Variants in FNDC3A observed in about 807,000 individuals in gnomAD.
The protein encoded by FNDC3A is fibronectin type-III domain-containing protein 3A.
FNDC3A carries 32 observed loss-of-function variants against 148.9 expected under a neutral mutation model. That is an observed-to-expected ratio of 0.21 (90% CI 0.16 to 0.29). The LOEUF is 0.29. Ranked by LOEUF, FNDC3A falls within the 10% of genes least tolerant of loss-of-function variation. The pLI is 1.00. For synonymous variants in FNDC3A, 472 were observed against 473.6 expected (o/e 1.00, Z 0.04); for missense variants, 1,191 against 1,452.8 (o/e 0.82, Z 2.93).
At chr13:49,124,485 TAA>T (rs575210570) in intron 4 of FNDC3A, among the ~76,000 whole-genome samples, 1 of 140,714 alleles carries the variant, frequency 7.1e-6, no homozygotes, top group Non-Finnish European at 1.6e-5. Context: ...GAACTTTAAT[TAA>T]AAAAAAAAAA....
chr13:49,012,986 G>A (rs150746968), intron 2 of FNDC3A, among the ~76,000 whole-genome samples: 2 of 152,182 alleles, frequency 1.3e-5, no homozygotes, highest in East Asian at 3.9e-4. Flanking sequence ...TAAGCATGAT[G>A]TTTATTATAC....
At chr13:48,994,639 G>A (rs562215834) in intron 1 of FNDC3A, among the ~76,000 whole-genome samples, 3 of 152,178 alleles carry the variant, frequency 2.0e-5, no homozygotes, top group East Asian at 1.9e-4. Context: ...TTAGCTGGGC[G>A]TGGTGGCGCA....
At chr13:49,028,029 A>G (rs1873845526) in intron 2 of FNDC3A, among the ~76,000 whole-genome samples, 1 of 152,052 alleles carries the variant, frequency 6.6e-6, no homozygotes, top group Non-Finnish European at 1.5e-5. Flanking sequence ...CCTGACTAAC[A>G]TGGCGAAATC....
chr13:49,149,163 CTT>C (rs766364277), intron 8 of FNDC3A, among the ~76,000 whole-genome samples: 11 of 134,188 alleles, frequency 8.2e-5, no homozygotes, highest in Non-Finnish European at 6.5e-5. Context: ...GACAATTTGA[CTT>C]TTTTTTTTTT....
intron 25 of FNDC3A, among the ~76,000 whole-genome samples, chr13:49,205,043 C>CA (rs1886586586): frequency 1.3e-5 from 2 of 152,168 alleles, no homozygotes; most frequent in Admixed American, 1.3e-4. Flanking sequence ...ACATGTACAT[C>CA]AAGAGTCCCT....
At chr13:49,106,069 G>C (rs1335411547) in intron 3 of FNDC3A, among the ~76,000 whole-genome samples, 1 of 152,100 alleles carries the variant, frequency 6.6e-6, no homozygotes, top group African/African-American at 2.4e-5. Context: ...TGGTGTCCTT[G>C]TTAAGTCTTA....
intron 2 of FNDC3A, among the ~76,000 whole-genome samples, chr13:49,059,911 A>G (rs762938574): frequency 4.9e-4 from 74 of 152,372 alleles, no homozygotes; most frequent in Non-Finnish European, 9.6e-4. Flanking sequence ...CAAACACAAG[A>G]AAAGATGCTC....
intron 2 of FNDC3A, among the ~76,000 whole-genome samples, chr13:49,012,804 A>AGTGTGT (rs535416333): frequency 4.1e-4 from 15 of 36,596 alleles, no homozygotes; most frequent in South Asian, 2.2e-3. Context: ...TGCAATTATA[A>AGTGTGT]ATGTGTGTGT....
intron 3 of FNDC3A, among the ~76,000 whole-genome samples, chr13:49,100,897 A>G (rs1043582858): frequency 5.3e-5 from 8 of 152,132 alleles, no homozygotes; most frequent in African/African-American, 1.9e-4. Context: ...TTGGCCTTAG[A>G]CTGATCCTCA....
At chr13:49,034,918 T>C (rs1257257106) in intron 2 of FNDC3A, among the ~76,000 whole-genome samples, 1 of 152,038 alleles carries the variant, frequency 6.6e-6, no homozygotes, top group African/African-American at 2.4e-5. Flanking sequence ...CTTTAAGCTA[T>C]GATACTGTAA....
At chr13:49,040,402 C>T (rs1245882573) in intron 2 of FNDC3A, among the ~76,000 whole-genome samples, 1 of 152,210 alleles carries the variant, frequency 6.6e-6, no homozygotes, top group African/African-American at 2.4e-5. Flanking sequence ...ACCATTTGCA[C>T]TTACGGATGG....
chr13:49,072,181 G>C (rs1417585667), intron 2 of FNDC3A, among the ~76,000 whole-genome samples: 1 of 151,980 alleles, frequency 6.6e-6, no homozygotes, highest in Non-Finnish European at 1.5e-5. Flanking sequence ...GCCATTTTGA[G>C]CTGATTTTGT....
intron 6 of FNDC3A, among the ~76,000 whole-genome samples, chr13:49,138,279 G>GTT (rs2137946275): frequency 6.6e-6 from 1 of 152,202 alleles, no homozygotes; most frequent in African/African-American, 2.4e-5. Context: ...AAGAAATTAA[G>GTT]TTAAAGTTTT....
At position 49,129,356 on chromosome 13, in the gene FNDC3A, C is replaced by T. The variant is rs374177383; in HGVS notation, c.253-1781C>T. On this transcript the variant is annotated intron_variant, in intron 4 of 25. Transcript: ENST00000492622. ...TGGTTCAGGATTTGTTGCAAAAGAACGATACAACTTAGAAGGTAGTTTGGA... is the reference window on the plus strand; with the variant it reads ...TGGTTCAGGATTTGTTGCAAAAGAATGATACAACTTAGAAGGTAGTTTGGA... Among the ~76,000 whole-genome samples the T allele has an allele frequency of 7.9e-5, 12 of 152,106 alleles. No homozygotes were observed. In the East Asian group the frequency reaches 9.6e-4, roughly 12 times the overall value.
chr13:49,163,617 G>A (rs966793070), intron 8 of FNDC3A, among the ~76,000 whole-genome samples: 7 of 152,250 alleles, frequency 4.6e-5, no homozygotes, highest in African/African-American at 1.7e-4. Context: ...CCCTGCTTTG[G>A]CTCACACTCC....
chr13:49,065,263 T>C (rs1877187897), intron 2 of FNDC3A, among the ~76,000 whole-genome samples: 1 of 152,140 alleles, frequency 6.6e-6, no homozygotes, highest in African/African-American at 2.4e-5. Flanking sequence ...GGACCTTTTT[T>C]ACATGGTAGC....
At chr13:49,074,283 T>A (rs183384937) in intron 2 of FNDC3A, among the ~76,000 whole-genome samples, 1 of 151,764 alleles carries the variant, frequency 6.6e-6, no homozygotes, top group African/African-American at 2.4e-5. Context: ...GTCATTCTTA[T>A]GCCTTTGCAT....
At chr13:49,104,119 G>A (rs1262483878) in intron 3 of FNDC3A, among the ~76,000 whole-genome samples, 19 of 152,202 alleles carry the variant, frequency 1.2e-4, no homozygotes. Context: ...ATATTTAAGA[G>A]AGTTGTTAGC....
In FNDC3A at chr13:49,196,080, C is replaced by CAAA. The variant is rs71076070; in HGVS notation, c.2227-774_2227-772dup. Reference sequence around the variant, plus strand: ...TGATGGAGCCAGCCAGACCTTGTCTCAAAAAAAAAAAAAAAAAAAAAAAAA... The same window carrying CAAA: ...TGATGGAGCCAGCCAGACCTTGTCTCAAAAAAAAAAAAAAAAAAAAAAAAAAAA... On this transcript the variant is annotated intron_variant, in intron 19 of 25. Transcript: ENST00000492622. Among the ~76,000 whole-genome samples, 314 of 70,538 alleles carry CAAA rather than the reference C, an allele frequency of 4.5e-3. 1 individual carries two copies. The highest frequency in any genetic ancestry group is 7.3e-3 in the African/African-American group (114 of 15,708). The allele number at this position is 70,538 out of a possible 152,430, so 46.3% of individuals were successfully genotyped here. A position where few individuals can be genotyped will look rare whatever the true frequency, so the allele number is the denominator to read the frequency against.
Sources: gnomAD v4.1 joint callset for allele counts (sites outside exome capture counted in the v4.1 genomes callset) on GRCh38, gnomAD v4.1.1 for gene constraint, MANE v1.5 for transcripts, NCBI Gene and HGNC (gene_info 2026-07-23, HGNC 2026-07-21) for gene names.